Variants in TOX observed in about 807,000 individuals in gnomAD.
The protein encoded by TOX is thymocyte selection associated high mobility group box, also known as thymocyte selection-associated high mobility group box protein TOX.
A neutral mutation model predicts 53.7 loss-of-function variants in TOX; 11 were observed. That is an observed-to-expected ratio of 0.20 (90% CI 0.13 to 0.34). The LOEUF (loss-of-function observed/expected upper bound fraction) is 0.34. TOX is among the 10% of genes least tolerant of loss of function. The pLI is 1.00. For missense variants in TOX, 570 were observed against 664.6 expected (o/e 0.86, Z 1.56); for synonymous variants, 225 against 245.3 (o/e 0.92, Z 0.77).
intron 1 of TOX, among the ~76,000 whole-genome samples, chr8:59,073,174 T>C (rs571122249): frequency 6.6e-6 from 1 of 152,280 alleles, no homozygotes; most frequent in South Asian, 2.1e-4. Flanking sequence ...AACAAAGGCT[T>C]CAACTACTAA....
rs1809971486 is a variant in TOX, at chr8:58,806,187, T to C, written c.*1560A>G. The C allele has an allele frequency of 6.6e-6, 1 of 152,216 alleles. No individual in the cohort carries two copies. Among genetic ancestry groups the C allele is most frequent in the Non-Finnish European group, 1.5e-5 (1 of 68,038 alleles). 9.4% of individuals were successfully genotyped at this position (152,216 alleles called of 1,614,324 possible). ...GAATCCTCTTGGAAGACCCAGGAAT[T>C]CTGGAATGAGTAGTAGCTTGTAGAG... On this transcript the variant is annotated 3_prime_UTR_variant, in exon 9 of 9. Coordinates refer to ENST00000361421, the MANE Select transcript of TOX (RefSeq NM_014729.3).
intron 1 of TOX, among the ~76,000 whole-genome samples, chr8:59,105,177 T>C (rs1435885920): frequency 1.3e-5 from 2 of 152,234 alleles, no homozygotes; most frequent in African/African-American, 4.8e-5. Flanking sequence ...TGCAAATATT[T>C]GTATAGGGAC....
intron 3 of TOX, among the ~76,000 whole-genome samples, chr8:58,863,522 G>T (rs748874706): frequency 6.6e-6 from 1 of 152,098 alleles, no homozygotes; most frequent in African/African-American, 2.4e-5. Flanking sequence ...TTCAGTAAGT[G>T]GGTCAGCTGC....
chr8:58,907,335 C>T (rs1384590780), intron 3 of TOX, among the ~76,000 whole-genome samples: 11 of 152,050 alleles, frequency 7.2e-5, no homozygotes, highest in Non-Finnish European at 1.3e-4. Flanking sequence ...TATTATTCTG[C>T]CCATTCTGGG....
intron 1 of TOX, among the ~76,000 whole-genome samples, chr8:59,098,814 T>C (rs1396918087): frequency 6.6e-6 from 1 of 152,216 alleles, no homozygotes; most frequent in African/African-American, 2.4e-5. Flanking sequence ...TTCTAATTTA[T>C]GATCCATGAC....
At chr8:59,076,331 C>A (rs1181583227) in intron 1 of TOX, among the ~76,000 whole-genome samples, 1 of 152,230 alleles carries the variant, frequency 6.6e-6, no homozygotes, top group Non-Finnish European at 1.5e-5. Context: ...ATACAAGGAG[C>A]TTCTCACTAT....
At chr8:59,050,752 C>T (rs1454287019) in intron 1 of TOX, among the ~76,000 whole-genome samples, 1 of 152,008 alleles carries the variant, frequency 6.6e-6, no homozygotes, top group Non-Finnish European at 1.5e-5. Context: ...ATTTTTTCAT[C>T]CTTTGTAATC....
At chr8:58,872,710 G>C (rs75914656) in intron 3 of TOX, among the ~76,000 whole-genome samples, 1 of 151,982 alleles carries the variant, frequency 6.6e-6, no homozygotes, top group Non-Finnish European at 1.5e-5. Context: ...AATTGCTGAG[G>C]TCATCAAAAA....
intron 2 of TOX, among the ~76,000 whole-genome samples, chr8:58,951,705 C>T (rs141152930): frequency 5.0e-4 from 76 of 152,294 alleles, no homozygotes; most frequent in African/African-American, 1.8e-3. Flanking sequence ...ACAGGAAAGC[C>T]TTCGTTACTG....
At chr8:58,936,454 A>G (rs1218802048) in intron 3 of TOX, among the ~76,000 whole-genome samples, 1 of 152,082 alleles carries the variant, frequency 6.6e-6, no homozygotes, top group Non-Finnish European at 1.5e-5. Flanking sequence ...TTATGTTTTC[A>G]CTGTCCAGAA....
At chr8:58,832,956 T>C (rs913771578) in intron 5 of TOX, among the ~76,000 whole-genome samples, 2 of 152,190 alleles carry the variant, frequency 1.3e-5, no homozygotes, top group Non-Finnish European at 2.9e-5. Flanking sequence ...ACAGTTTCCC[T>C]GCAAGTGAGA....
At chr8:59,046,858 C>CAAAAAAA (rs34869193) in intron 1 of TOX, among the ~76,000 whole-genome samples, 4 of 77,910 alleles carry the variant, frequency 5.1e-5, no homozygotes, top group African/African-American at 5.1e-5. Context: ...GACTATGTCT[C>CAAAAAAA]AAAAAAAAAA....
At chr8:59,049,867 T>C (rs755480924) in intron 1 of TOX, among the ~76,000 whole-genome samples, 2 of 152,180 alleles carry the variant, frequency 1.3e-5, no homozygotes, top group Admixed American at 6.5e-5. Context: ...GCCTCTCTTT[T>C]GGAATGTAGT....
intron 7 of TOX, among the ~76,000 whole-genome samples, chr8:58,813,434 T>C (rs1810118883): frequency 6.6e-6 from 1 of 152,166 alleles, no homozygotes; most frequent in Non-Finnish European, 1.5e-5. Context: ...CATGGGTCCT[T>C]AGCTAGGCAG....
chr8:59,013,413 CT>C (rs35734986), intron 1 of TOX, among the ~76,000 whole-genome samples: 13 of 146,320 alleles, frequency 8.9e-5, no homozygotes, highest in Non-Finnish European at 1.3e-4. Context: ...TCAGATAGGC[CT>C]TTTTTTTTTT....
intron 1 of TOX, among the ~76,000 whole-genome samples, chr8:59,101,601 T>C (rs1232016326): frequency 6.6e-6 from 1 of 152,232 alleles, no homozygotes; most frequent in East Asian, 1.9e-4. Flanking sequence ...ATGAGGAAAT[T>C]ACCTTGATTT....
intron 1 of TOX, among the ~76,000 whole-genome samples, chr8:59,082,062 T>C (rs1232077261): frequency 2.6e-5 from 4 of 152,244 alleles, no homozygotes; most frequent in Admixed American, 1.3e-4. Flanking sequence ...AACAGAGATA[T>C]CATTTTAGTT....
chr8:58,806,366 G>C lies in TOX; in HGVS notation c.*1381C>G, dbSNP rs139868404. The C allele has an allele frequency of 2.0e-5, 3 of 152,002 alleles. No homozygotes were observed. The East Asian group carries it at 5.8e-4, about 29-fold the overall frequency. 9.4% of individuals were successfully genotyped at this position (152,002 alleles called of 1,614,324 possible). On this transcript the variant is annotated 3_prime_UTR_variant, in exon 9 of 9. Transcript: ENST00000361421. ...CTAGTTCAATTCTTAAATGCTTTCT[G>C]GATTTTGTGAAAAGCATGCAGCTTG...
At chr8:59,071,920 G>C (rs1048777518) in intron 1 of TOX, among the ~76,000 whole-genome samples, 1 of 151,994 alleles carries the variant, frequency 6.6e-6, no homozygotes, top group African/African-American at 2.4e-5. Flanking sequence ...TTTTCCCTTT[G>C]AGCAGAATGC....
Sources: gnomAD v4.1 joint callset for allele counts (sites outside exome capture counted in the v4.1 genomes callset) on GRCh38, gnomAD v4.1.1 for gene constraint, MANE v1.5 for transcripts, NCBI Gene and HGNC (gene_info 2026-07-23, HGNC 2026-07-21) for gene names.